The following RBFOX1 variants were observed in gnomAD, a reference collection of about 807,000 sequenced individuals.
The protein encoded by RBFOX1 is RNA binding fox-1 homolog 1.
RBFOX1 carries 8 observed loss-of-function variants against 57.7 expected under a neutral mutation model. That is an observed-to-expected ratio of 0.14 (90% confidence interval 0.08 to 0.25). The LOEUF (loss-of-function observed/expected upper bound fraction) is 0.25, where lower values mean the gene tolerates loss of function less well. Among genes scored for constraint, RBFOX1 ranks in the 10% least tolerant of loss-of-function variants. RBFOX1 has a pLI of 1.00. For missense variants in RBFOX1, 611 were observed against 548.5 expected (o/e 1.11, Z -1.14); for synonymous variants, 326 against 222.4 (o/e 1.47, Z -4.15).
chr16:5,423,780 C>T, intron 1 of RBFOX1, among the ~76,000 whole-genome samples: 1 of 152,200 alleles, frequency 6.6e-6, no homozygotes, highest in Admixed American at 6.5e-5. Context: ...ATCATCCTCT[C>T]CCTGTTTCGT....
intron 2 of RBFOX1, among the ~76,000 whole-genome samples, chr16:6,332,306 C>G (rs1189249165): frequency 6.6e-6 from 1 of 152,182 alleles, no homozygotes; most frequent in Admixed American, 6.5e-5. Context: ...GTACCTGTCA[C>G]TGTGTGAGGC....
intron 2 of RBFOX1, among the ~76,000 whole-genome samples, chr16:6,357,701 C>T (rs542650239): frequency 4.6e-5 from 7 of 152,090 alleles, no homozygotes; most frequent in African/African-American, 1.7e-4. Flanking sequence ...GTAATCCCAG[C>T]ACTTTGGGAG....
intron 1 of RBFOX1, among the ~76,000 whole-genome samples, chr16:6,311,250 C>G (rs1469867101): frequency 1.5e-5 from 2 of 133,356 alleles, no homozygotes; most frequent in African/African-American, 5.6e-5. Context: ...GAGCTGAGAT[C>G]GTGCCACCGT....
At chr16:6,296,383 C>G (rs747085083) in intron 1 of RBFOX1, among the ~76,000 whole-genome samples, 10 of 151,918 alleles carry the variant, frequency 6.6e-5, no homozygotes, top group Non-Finnish European at 1.0e-4. Flanking sequence ...GCAGTTTCAC[C>G]TCATAGGTGG....
intron 1 of RBFOX1, among the ~76,000 whole-genome samples, chr16:5,445,966 T>A (rs2068227683): frequency 6.6e-6 from 1 of 152,244 alleles, no homozygotes; most frequent in Admixed American, 6.5e-5. Flanking sequence ...GTTTGAAGAA[T>A]CTTTATTGCT....
At chr16:5,988,532 A>G (rs772125785) in intron 4 of RBFOX1, among the ~76,000 whole-genome samples, 1 of 152,092 alleles carries the variant, frequency 6.6e-6, no homozygotes, top group Non-Finnish European at 1.5e-5. Flanking sequence ...TGAGATTTTG[A>G]TCAGAACCAT....
At chr16:7,142,513 G>C (rs1356082833) in intron 4 of RBFOX1, among the ~76,000 whole-genome samples, 2 of 152,062 alleles carry the variant, frequency 1.3e-5, no homozygotes, top group East Asian at 3.9e-4. Context: ...GTGTTTGTAT[G>C]GGCTCTTCCC....
At chr16:5,963,760 A>G (rs976818620) in intron 4 of RBFOX1, among the ~76,000 whole-genome samples, 1 of 152,220 alleles carries the variant, frequency 6.6e-6, no homozygotes, top group Middle Eastern at 3.2e-3. Flanking sequence ...AATCAAGTCA[A>G]AATGGATTAA....
intron 2 of RBFOX1, among the ~76,000 whole-genome samples, chr16:6,652,251 G>A (rs1244805006): frequency 1.3e-5 from 2 of 152,102 alleles, no homozygotes; most frequent in African/African-American, 4.8e-5. Context: ...GAGATCGAGA[G>A]CATCCTGGCC....
In RBFOX1 at chr16:7,665,855, A is replaced by G. The variant is rs369285187; in HGVS notation, c.930+887A>G. 1.2e-4 allele frequency among the ~76,000 whole-genome samples: 19 copies of G among 152,214 alleles called. 2 individuals are homozygous for G. The highest frequency in any genetic ancestry group is 7.9e-4 in the Admixed American group (12 of 15,272). ...TCTGATGAAATTGGTATCATGTACT[A>G]GAAGATGAATAAGGCACTGATTATT... On this transcript the variant is annotated intron_variant, in intron 13 of 15. Transcript: ENST00000550418.
chr16:7,626,394 C>T (rs2060073225), intron 10 of RBFOX1, among the ~76,000 whole-genome samples: 3 of 152,342 alleles, frequency 2.0e-5, no homozygotes, highest in South Asian at 4.1e-4. Context: ...CTCCCTTCCT[C>T]ACTGGAGGAT....
intron 3 of RBFOX1, among the ~76,000 whole-genome samples, chr16:6,853,166 T>G (rs1267321706): frequency 6.6e-6 from 1 of 152,214 alleles, no homozygotes; most frequent in East Asian, 1.9e-4. Flanking sequence ...AGCCTGAGTT[T>G]CCTCCTTTGT....
intron 3 of RBFOX1, among the ~76,000 whole-genome samples, chr16:5,732,498 A>G (rs2052415271): frequency 6.6e-6 from 1 of 152,174 alleles, no homozygotes; most frequent in Non-Finnish European, 1.5e-5. Context: ...AAATGTGCAG[A>G]AATGAGAGAT....
chr16:6,844,853 T>G (rs2093675715), intron 3 of RBFOX1, among the ~76,000 whole-genome samples: 1 of 152,198 alleles, frequency 6.6e-6, no homozygotes, highest in African/African-American at 2.4e-5. Flanking sequence ...CACCTGTTTT[T>G]TAATATTTTT....
At chr16:7,313,672 A>G (rs9940929) in intron 4 of RBFOX1, among the ~76,000 whole-genome samples, 1 of 152,074 alleles carries the variant, frequency 6.6e-6, no homozygotes, top group Admixed American at 6.5e-5. Context: ...AAGCACACGA[A>G]TAAGCACTTT....
chr16:7,249,909 C>T (rs2094445508), intron 4 of RBFOX1, among the ~76,000 whole-genome samples: 1 of 152,118 alleles, frequency 6.6e-6, no homozygotes, highest in Admixed American at 6.5e-5. Flanking sequence ...AAGGTTAAAC[C>T]AATTTACACT....
At chr16:6,578,084 GTTA>G (rs765934216) in intron 2 of RBFOX1, among the ~76,000 whole-genome samples, 2 of 152,052 alleles carry the variant, frequency 1.3e-5, no homozygotes, top group Admixed American at 6.6e-5. Context: ...AAGGTAATAA[GTTA>G]GTCCTCAAGC....
At chr16:6,706,376 A>C (rs1157169006) in intron 3 of RBFOX1, among the ~76,000 whole-genome samples, 1 of 152,200 alleles carries the variant, frequency 6.6e-6, no homozygotes, top group East Asian at 1.9e-4. Flanking sequence ...GTAGCAGCCC[A>C]ATTAATAGGT....
rs117031906 is a variant in RBFOX1 at position 7,201,146 on chromosome 16, T to A, written c.27+149048T>A. On this transcript the variant is annotated intron_variant, in intron 4 of 15. Coordinates refer to ENST00000550418, the MANE Select transcript of RBFOX1 (RefSeq NM_018723.4). ...AGCTGGAAGATATGAGAGAGAGGAA[T>A]TGGGGCAAGGGTTGGAGAGAAAGAC... is the stretch of plus-strand genomic sequence containing the variant. Among the ~76,000 whole-genome samples the A allele has an allele frequency of 5.9e-3, 901 of 151,734 alleles. 14 individuals are homozygous for A. The highest frequency in any genetic ancestry group is 4.0e-3 in the Non-Finnish European group (275 of 67,926).
Sources: gnomAD v4.1 joint callset for allele counts (sites outside exome capture counted in the v4.1 genomes callset) on GRCh38, gnomAD v4.1.1 for gene constraint, MANE v1.5 for transcripts, NCBI Gene and HGNC (gene_info 2026-07-23, HGNC 2026-07-21) for gene names.